The following CDK14 variants were observed in gnomAD, a reference collection of about 807,000 sequenced individuals.
CDK14 encodes the protein cyclin dependent kinase 14.
Under a neutral mutation model 60.7 loss-of-function variants are expected in CDK14, and 34 were observed. The ratio of observed to expected loss-of-function variants is 0.56; its 90% confidence interval spans 0.43 to 0.75. The LOEUF (loss-of-function observed/expected upper bound fraction) is 0.75. CDK14 is among the 30% of genes least tolerant of loss of function. The probability of loss-of-function intolerance (pLI) is 0.00; values close to 1 mark genes in which losing one functional copy is unlikely to be tolerated. For missense variants in CDK14, 482 were observed against 564.1 expected, an observed-to-expected ratio of 0.85 and a Z score of 1.47; for synonymous variants, 197 against 203.7, an observed-to-expected ratio of 0.97 and a Z score of 0.28.
intron 12 of CDK14, among the ~76,000 whole-genome samples, chr7:91,098,191 A>G (rs1038986950): frequency 3.9e-5 from 6 of 152,234 alleles, no homozygotes; most frequent in African/African-American, 1.2e-4. Flanking sequence ...TCATAAGATA[A>G]AGAAGCTGAA....
chr7:90,615,457 A>G (rs1285899913), intron 2 of CDK14, among the ~76,000 whole-genome samples: 7 of 152,248 alleles, frequency 4.6e-5, no homozygotes, highest in African/African-American at 1.7e-4. Context: ...GAACTATTCT[A>G]GTCTAGCAGA....
chr7:91,097,603 AC>A (rs1799032956), intron 12 of CDK14, among the ~76,000 whole-genome samples: 1 of 151,334 alleles, frequency 6.6e-6, no homozygotes, highest in Non-Finnish European at 1.5e-5. Flanking sequence ...GAAAAAAAAA[AC>A]AAGCTATAAA....
intron 2 of CDK14, among the ~76,000 whole-genome samples, chr7:90,615,669 A>C (rs965772787): frequency 3.3e-5 from 5 of 152,194 alleles, no homozygotes; most frequent in Non-Finnish European, 7.3e-5. Flanking sequence ...GAATGTGCCA[A>C]ATATGAAATT....
intron 6 of CDK14, among the ~76,000 whole-genome samples, chr7:90,898,291 A>G (rs1007969553): frequency 3.3e-5 from 5 of 152,114 alleles, no homozygotes; most frequent in Non-Finnish European, 5.9e-5. Context: ...TATGGGCTCA[A>G]AAATTACATG....
intron 3 of CDK14, among the ~76,000 whole-genome samples, chr7:90,739,686 G>A (rs1031795136): frequency 2.0e-5 from 3 of 152,066 alleles, no homozygotes; most frequent in Admixed American, 1.3e-4. Flanking sequence ...GTAATTTTCC[G>A]CTGCTGTGTT....
chr7:91,096,378 C>CT (rs1208777850), intron 12 of CDK14, among the ~76,000 whole-genome samples: 1 of 152,036 alleles, frequency 6.6e-6, no homozygotes, highest in Admixed American at 6.6e-5. Context: ...GAACTAAGAC[C>CT]TTTTTTGCCA....
chr7:91,001,243 C>T (rs802382), intron 10 of CDK14, among the ~76,000 whole-genome samples: 132,389 of 152,186 alleles, frequency 0.87, 58,002 homozygotes, highest in Non-Finnish European at 0.93. Context: ...CCCTTCTTTT[C>T]CCCTTAAGGG....
intron 4 of CDK14, among the ~76,000 whole-genome samples, chr7:90,777,884 C>T (rs1020735193): frequency 5.3e-5 from 8 of 152,194 alleles, no homozygotes; most frequent in African/African-American, 1.9e-4. Context: ...TTGTTTTTAA[C>T]CATTTGCAAG....
At chr7:91,005,865 A>G (rs1439616381) in intron 10 of CDK14, among the ~76,000 whole-genome samples, 2 of 152,232 alleles carry the variant, frequency 1.3e-5, no homozygotes, top group African/African-American at 4.8e-5. Flanking sequence ...TGTGAGGCAA[A>G]TAGTGGTATT....
At chr7:90,684,260 A>T (rs1218100460) in intron 2 of CDK14, among the ~76,000 whole-genome samples, 1 of 152,228 alleles carries the variant, frequency 6.6e-6, no homozygotes, top group Non-Finnish European at 1.5e-5. Flanking sequence ...TACTGTGTTC[A>T]TAAACTTCCA....
intron 8 of CDK14, among the ~76,000 whole-genome samples, chr7:90,932,517 C>T (rs11976125): frequency 0.19 from 28,566 of 152,082 alleles, 2,838 homozygotes; most frequent in African/African-American, 0.22. Context: ...ATTAAAAGCT[C>T]TTGGTCTTCT....
intron 9 of CDK14, among the ~76,000 whole-genome samples, chr7:90,964,819 T>A (rs1362547327): frequency 2.0e-5 from 3 of 152,278 alleles, no homozygotes; most frequent in African/African-American, 7.2e-5. Flanking sequence ...CTTAGAACAT[T>A]AATATATAAA....
chr7:90,732,213 T>G (rs1037740177), intron 3 of CDK14, among the ~76,000 whole-genome samples: 1 of 152,204 alleles, frequency 6.6e-6, no homozygotes, highest in African/African-American at 2.4e-5. Flanking sequence ...GTGGATAAGC[T>G]TTTTGATGGG....
intron 5 of CDK14, among the ~76,000 whole-genome samples, chr7:90,854,898 C>G (rs552604314): frequency 6.6e-6 from 1 of 152,272 alleles, no homozygotes; most frequent in Admixed American, 6.5e-5. Context: ...AACACCATTC[C>G]CATCCTTGTT....
At chr7:90,766,224 AC>A (rs532915318) in intron 4 of CDK14, among the ~76,000 whole-genome samples, 227 of 151,902 alleles carry the variant, frequency 1.5e-3, no homozygotes, top group African/African-American at 5.2e-3. Context: ...CTTCCTTGAT[AC>A]CACTTCTCTC....
intron 2 of CDK14, among the ~76,000 whole-genome samples, chr7:90,643,401 T>C (rs1338080975): frequency 6.6e-6 from 1 of 152,354 alleles, no homozygotes; most frequent in East Asian, 1.9e-4. Flanking sequence ...AAATATTTCC[T>C]TTTAGTCTGT....
chr7:90,867,655 A>G (rs1489676605), intron 6 of CDK14, among the ~76,000 whole-genome samples: 3 of 152,104 alleles, frequency 2.0e-5, no homozygotes, highest in South Asian at 2.1e-4. Flanking sequence ...CAGTGGGTAT[A>G]AAGTTTCAGG....
Position 90,726,639 on chromosome 7 carries a change from C to T in CDK14, c.196C>T (p.Pro66Ser), listed in dbSNP as rs765218989. The stretch of plus-strand genomic sequence containing the variant: ...AGTGATCAAACCCCTGGACACAATT[C>T]CTGAGGATAAAAAAGTCAGAGTTCA... Reference protein sequence around the residue: ...DSVIKPLDTIPEDKKVRVQRT... With the variant: ...DSVIKPLDTISEDKKVRVQRT... Residue 66 changes from proline (P) to serine (S), a missense_variant, in exon 3 of 15, where the codon CCT becomes TCT. By Grantham distance (74) the Pro-to-Ser change is moderately conservative (BLOSUM62 -1). Transcript: ENST00000380050. The T allele has an allele frequency of 4.3e-6, 7 of 1,613,758 alleles. No homozygotes were observed. The highest frequency in any genetic ancestry group is 1.1e-5 in the South Asian group (1 of 91,072).
intron 10 of CDK14, among the ~76,000 whole-genome samples, chr7:91,031,956 A>G (rs991483491): frequency 6.6e-6 from 1 of 152,196 alleles, no homozygotes; most frequent in Non-Finnish European, 1.5e-5. Flanking sequence ...TCCGTCTGTC[A>G]GTCTTTGCCG....
Sources: allele counts gnomAD v4.1 joint callset (sites outside exome capture counted in the v4.1 genomes callset), GRCh38; gene constraint gnomAD v4.1.1; transcripts MANE v1.5; gene names NCBI Gene and HGNC (gene_info 2026-07-23, HGNC 2026-07-21).